The following GTF2H5 variants were observed in gnomAD, a reference collection of about 807,000 sequenced individuals.
GTF2H5 encodes general transcription factor IIH subunit 5.
Under a neutral mutation model 7.1 loss-of-function variants are expected in GTF2H5, and 5 were observed. That is an observed-to-expected ratio of 0.71 (90% confidence interval 0.37 to 1.49). The LOEUF (loss-of-function observed/expected upper bound fraction) is 1.49, where lower values mean the gene tolerates loss of function less well. Ranked by LOEUF, GTF2H5 falls within the 40% of genes most tolerant of loss-of-function variation. The pLI is 0.03. For missense variants in GTF2H5, 80 were observed against 83.0 expected, an observed-to-expected ratio of 0.96 and a Z score of 0.14; for synonymous variants, 30 against 31.7, an observed-to-expected ratio of 0.95 and a Z score of 0.18.
chr6:158,186,532 A>T (rs895346239), intron 2 of GTF2H5, among the ~76,000 whole-genome samples: 2 of 152,262 alleles, frequency 1.3e-5, no homozygotes, highest in African/African-American at 4.8e-5. Flanking sequence ...GGGCTAACAC[A>T]AAACAACTGT....
chr6:158,195,425 C>T lies in GTF2H5; in HGVS notation c.*3268C>T, dbSNP rs1228186672. ...GAATTCCAATTTCCTTGTGAAATTT[C>T]ATGTGATTAATTTAAAATTCCAGGG... On this transcript the variant is annotated 3_prime_UTR_variant, in exon 3 of 3. Transcript: ENST00000607778. 2 of 152,138 alleles carry T rather than the reference C, an allele frequency of 1.3e-5. No homozygotes were observed. The highest frequency in any genetic ancestry group is 4.8e-5 in the African/African-American group (2 of 41,418). The allele number at this position is 152,138 out of a possible 1,614,324, so 9.4% of individuals were successfully genotyped here.
At chr6:158,175,927 A>G (rs1785926951) in intron 2 of GTF2H5, among the ~76,000 whole-genome samples, 1 of 152,232 alleles carries the variant, frequency 6.6e-6, no homozygotes, top group Admixed American at 6.5e-5. Context: ...ATGACACTGT[A>G]CAATGATGTT....
At chr6:158,176,897 A>G (rs943801593) in intron 2 of GTF2H5, among the ~76,000 whole-genome samples, 1 of 152,250 alleles carries the variant, frequency 6.6e-6, no homozygotes, top group African/African-American at 2.4e-5. Context: ...TATCTGCAGC[A>G]GGAGCATGTC....
intron 2 of GTF2H5, among the ~76,000 whole-genome samples, chr6:158,171,992 G>C (rs1034603415): frequency 6.6e-6 from 1 of 152,206 alleles, no homozygotes; most frequent in Admixed American, 6.5e-5. Context: ...TTCCTCGTTG[G>C]CCTTTAGTGT....
At chr6:158,187,428 G>A (rs1776948695) in intron 2 of GTF2H5, among the ~76,000 whole-genome samples, 1 of 151,796 alleles carries the variant, frequency 6.6e-6, no homozygotes, top group African/African-American at 2.4e-5. Flanking sequence ...CTCAAAATAT[G>A]TCAAAGAAAC....
At chr6:158,187,599 G>A (rs1300167791) in intron 2 of GTF2H5, among the ~76,000 whole-genome samples, 4 of 151,952 alleles carry the variant, frequency 2.6e-5, no homozygotes, top group Non-Finnish European at 5.9e-5. Context: ...ATGGAGTCTC[G>A]CTCTGTTGCA....
intron 2 of GTF2H5, among the ~76,000 whole-genome samples, chr6:158,176,680 A>G (rs1032142683): frequency 6.6e-6 from 1 of 152,220 alleles, no homozygotes; most frequent in Non-Finnish European, 1.5e-5. Context: ...AGACAGACAC[A>G]CAGAAATATA....
intron 2 of GTF2H5, among the ~76,000 whole-genome samples, chr6:158,187,459 A>G (rs973638947): frequency 2.6e-5 from 4 of 152,276 alleles, no homozygotes; most frequent in African/African-American, 4.8e-5. Flanking sequence ...GTAAAATACA[A>G]TTTCTTTCAG....
At chr6:158,186,226 A>G (rs1350571069) in intron 2 of GTF2H5, among the ~76,000 whole-genome samples, 1 of 152,240 alleles carries the variant, frequency 6.6e-6, no homozygotes, top group Non-Finnish European at 1.5e-5. Flanking sequence ...TGGTGTGATG[A>G]TTCAGCACAG....
chr6:158,171,547 A>G (rs775775286), intron 2 of GTF2H5, among the ~76,000 whole-genome samples: 3 of 152,188 alleles, frequency 2.0e-5, no homozygotes, highest in African/African-American at 4.8e-5. Flanking sequence ...TTTTGTAGGG[A>G]TGAGCGGCTG....
At chr6:158,185,796 C>A (rs1776911331) in intron 2 of GTF2H5, among the ~76,000 whole-genome samples, 2 of 151,824 alleles carry the variant, frequency 1.3e-5, no homozygotes, top group South Asian at 4.2e-4. Flanking sequence ...TTGCTTGAGT[C>A]CAGGAGTTCG....
At chr6:158,172,027 A>G (rs1480824849) in intron 2 of GTF2H5, among the ~76,000 whole-genome samples, 1 of 147,404 alleles carries the variant, frequency 6.8e-6, no homozygotes. Context: ...GAGGATACAC[A>G]TACACAGAGT....
rs1777139056 is a variant in GTF2H5 at position 158,198,010 on chromosome 6, C to A, written c.*5853C>A. On this transcript the variant is annotated 3_prime_UTR_variant, in exon 3 of 3. Transcript: ENST00000607778. ...TATATTTTATTTTTATCTTTTAATT[C>A]TATTTTTCCATGAACTTTTTGAAGT... 1 of 152,126 alleles carries A rather than the reference C, an allele frequency of 6.6e-6. No individual in the cohort carries two copies. The highest frequency in any genetic ancestry group is 1.5e-5 in the Non-Finnish European group (1 of 68,024). The allele number at this position is 152,126 out of a possible 1,614,324, so 9.4% of individuals were successfully genotyped here. A position where few individuals can be genotyped will look rare whatever the true frequency, so the allele number is the denominator to read the frequency against.
chr6:158,169,360 A>ATAATATGTATATTATATAT (rs1562467665), intron 1 of GTF2H5, among the ~76,000 whole-genome samples: 4 of 86,674 alleles, frequency 4.6e-5, no homozygotes, highest in East Asian at 9.5e-4. Flanking sequence ...TATATAATAC[A>ATAATATGTATATTATATAT]TATATATAAT....
Position 158,198,704 on chromosome 6 carries a change from C to T in GTF2H5, c.*6547C>T, listed in dbSNP as rs1777151221. 6.6e-6 allele frequency: 1 copy of T among 152,240 alleles called. No individual in the cohort carries two copies. The highest frequency in any genetic ancestry group is 2.4e-5 in the African/African-American group (1 of 41,466). The allele number at this position is 152,240 out of a possible 1,614,324, so 9.4% of individuals were successfully genotyped here. On this transcript the variant is annotated 3_prime_UTR_variant, in exon 3 of 3. Transcript: ENST00000607778. ...TACAGGCGTGAGCCAGCGCGCCCGGCCTGGACTTAACTTCTGAAGAACTCT... is the reference window on the plus strand; with the variant it reads ...TACAGGCGTGAGCCAGCGCGCCCGGTCTGGACTTAACTTCTGAAGAACTCT...
chr6:158,169,586 A>T (rs1583624933), intron 1 of GTF2H5, among the ~76,000 whole-genome samples: 1 of 70,140 alleles, frequency 1.4e-5, no homozygotes, highest in African/African-American at 5.8e-5. Flanking sequence ...ATTATATATA[A>T]TATATTGTAT....
chr6:158,190,980 C>G (rs1562476532), intron 2 of GTF2H5: 2 of 499,018 alleles, frequency 4.0e-6, no homozygotes, highest in Non-Finnish European at 7.9e-6. Flanking sequence ...CTATCCTATT[C>G]TTTCCAAACC....
rs906617999 is a variant in GTF2H5, at chr6:158,194,619, G to T, written c.*2462G>T. 1 of 152,152 alleles carries T rather than the reference G, an allele frequency of 6.6e-6. No individual in the cohort carries two copies. Among genetic ancestry groups the T allele is most frequent in the Non-Finnish European group, 1.5e-5 (1 of 68,044 alleles). The allele number at this position is 152,152 out of a possible 1,614,324, so 9.4% of individuals were successfully genotyped here. On this transcript the variant is annotated 3_prime_UTR_variant, in exon 3 of 3. Coordinates refer to ENST00000607778, the MANE Select transcript of GTF2H5 (RefSeq NM_207118.3). ...GCTTCAGTACCTTATGAGTTAATTG[G>T]ACTCTTTGATATGTTGAGAGTCAGC...
At position 158,197,876 on chromosome 6, in the gene GTF2H5, A is replaced by G. The variant is rs548536893; in HGVS notation, c.*5719A>G. On this transcript the variant is annotated 3_prime_UTR_variant, in exon 3 of 3. Coordinates refer to ENST00000607778, the MANE Select transcript of GTF2H5 (RefSeq NM_207118.3). ...GGGCACCTGTTTTTCTTCAGCTAAT[A>G]AAAAAGACATGGTTAATTTCCCAGG... 1.3e-5 allele frequency: 2 copies of G among 152,314 alleles called. No individual in the cohort carries two copies. Among genetic ancestry groups the G allele is most frequent in the South Asian group, 4.1e-4 (2 of 4,830 alleles). 9.4% of individuals were successfully genotyped at this position (152,314 alleles called of 1,614,324 possible).
Sources: allele counts gnomAD v4.1 joint callset (sites outside exome capture counted in the v4.1 genomes callset), GRCh38; gene constraint gnomAD v4.1.1; transcripts MANE v1.5; gene names NCBI Gene and HGNC (gene_info 2026-07-23, HGNC 2026-07-21).